CTNND2: variants seen among roughly 807,000 people sequenced by gnomAD.
CTNND2 encodes catenin delta-2.
CTNND2 carries 22 observed loss-of-function variants against 144.4 expected under a neutral mutation model. That is an observed-to-expected ratio of 0.15 (90% CI 0.11 to 0.22). The LOEUF (loss-of-function observed/expected upper bound fraction) is 0.22, where lower values mean the gene tolerates loss of function less well. Among genes scored for constraint, CTNND2 ranks in the 10% least tolerant of loss-of-function variants. The pLI is 1.00. For synonymous variants in CTNND2, 751 were observed against 695.6 expected (o/e 1.08, Z -1.25); for missense variants, 1,353 against 1,618.8 (o/e 0.84, Z 2.82).
intron 3 of CTNND2, among the ~76,000 whole-genome samples, chr5:11,443,407 GGGGGTGTGTGGTGTGTGTGTGT>G (rs1342151922): frequency 4.9e-5 from 3 of 61,104 alleles, no homozygotes; most frequent in African/African-American, 6.3e-5. Flanking sequence ...TGTGTGTGGG[GGGGGTGTGTGGTGTGTGTGTGT>G]GGGGTGTGTG....
intron 3 of CTNND2, among the ~76,000 whole-genome samples, chr5:11,428,768 T>C (rs1763013986): frequency 6.6e-6 from 1 of 152,202 alleles, no homozygotes; most frequent in Admixed American, 6.5e-5. Flanking sequence ...TACAACACTT[T>C]TATTCAACTT....
intron 12 of CTNND2, among the ~76,000 whole-genome samples, chr5:11,155,449 T>C (rs1452487764): frequency 6.6e-6 from 1 of 152,202 alleles, no homozygotes; most frequent in Non-Finnish European, 1.5e-5. Context: ...TAAAATGTTT[T>C]TTGTTAAAAA....
At chr5:11,599,603 C>T (rs10072211) in intron 2 of CTNND2, among the ~76,000 whole-genome samples, 54,215 of 151,906 alleles carry the variant, frequency 0.36, 10,466 homozygotes, top group Middle Eastern at 0.6. Context: ...TGTTTGTTTG[C>T]TTTTGCTAGT....
Position 11,159,578 on chromosome 5 carries a change from T to G in CTNND2, c.2157A>C (p.Leu719=), listed in dbSNP as rs753889015. The stretch of plus-strand genomic sequence containing the variant: ...GGCACTCGTGACACAGGACTGACCT[T>G]AGGCACCCGGTGGCGTTACGCAGCA... The part of the protein sequence containing the change: ...SQVLRNATGC[L]RNVSSAGEEA... The change falls in exon 12 of 22, where the codon CTA becomes CTC. Residue 719 remains leucine (L), a splice_region_variant and synonymous_variant. Transcript: ENST00000304623. 6.2e-7 allele frequency: 1 copy of G among 1,607,936 alleles called. No homozygotes were observed. Among genetic ancestry groups the G allele is most frequent in the East Asian group, 2.2e-5 (1 of 44,728 alleles).
intron 12 of CTNND2, among the ~76,000 whole-genome samples, chr5:11,139,785 A>G (rs552869086): frequency 1.4e-4 from 21 of 152,346 alleles, no homozygotes; most frequent in African/African-American, 4.8e-4. Context: ...TTATTCTTAT[A>G]CATCTGGAGA....
At chr5:11,586,942 A>T (rs965127028) in intron 2 of CTNND2, among the ~76,000 whole-genome samples, 3 of 152,060 alleles carry the variant, frequency 2.0e-5, no homozygotes, top group East Asian at 1.9e-4. Flanking sequence ...TACCTGGATT[A>T]AAAAAAAGTA....
intron 3 of CTNND2, among the ~76,000 whole-genome samples, chr5:11,511,692 T>A (rs1260007693): frequency 6.6e-6 from 1 of 152,192 alleles, no homozygotes; most frequent in Non-Finnish European, 1.5e-5. Context: ...GCAGGAATAC[T>A]GAGAAGAAAA....
chr5:11,128,786 A>AT (rs1205717801), intron 12 of CTNND2, among the ~76,000 whole-genome samples: 32 of 41,158 alleles, frequency 7.8e-4, no homozygotes, highest in Non-Finnish European at 8.6e-4. Flanking sequence ...TAAAATATAT[A>AT]AATATATATT....
chr5:11,141,602 C>CA (rs1167070573), intron 12 of CTNND2, among the ~76,000 whole-genome samples: 1 of 152,068 alleles, frequency 6.6e-6, no homozygotes, highest in Non-Finnish European at 1.5e-5. Flanking sequence ...GTGAGAAGAA[C>CA]AGGCAGCCGT....
intron 2 of CTNND2, among the ~76,000 whole-genome samples, chr5:11,710,922 A>T (rs1454131466): frequency 6.6e-6 from 1 of 152,230 alleles, no homozygotes; most frequent in Non-Finnish European, 1.5e-5. Context: ...TTTAAACATA[A>T]GAAAAACAAG....
chr5:11,140,738 A>G (rs1002536390), intron 12 of CTNND2, among the ~76,000 whole-genome samples: 2 of 152,220 alleles, frequency 1.3e-5, no homozygotes, highest in Non-Finnish European at 2.9e-5. Context: ...CCAAAAGTTC[A>G]TCCAATGTAT....
intron 16 of CTNND2, among the ~76,000 whole-genome samples, chr5:11,027,775 C>T (rs1036272442): frequency 1.6e-4 from 25 of 152,142 alleles, no homozygotes; most frequent in African/African-American, 5.8e-4. Flanking sequence ...ACCAAGGTAC[C>T]CCAAGGGACT....
intron 2 of CTNND2, among the ~76,000 whole-genome samples, chr5:11,641,683 T>C (rs1202133058): frequency 1.5e-5 from 2 of 131,142 alleles, no homozygotes; most frequent in Admixed American, 7.2e-5. Flanking sequence ...TGTATATACA[T>C]ATACGTGTGT....
intron 10 of CTNND2, among the ~76,000 whole-genome samples, chr5:11,226,295 A>T (rs1398029637): frequency 6.6e-6 from 1 of 152,086 alleles, no homozygotes; most frequent in Admixed American, 6.5e-5. Flanking sequence ...GGCTTTCCTG[A>T]CCATTTTCTA....
At chr5:11,275,319 A>G (rs1746417628) in intron 9 of CTNND2, among the ~76,000 whole-genome samples, 1 of 152,160 alleles carries the variant, frequency 6.6e-6, no homozygotes, top group African/African-American at 2.4e-5. Context: ...GTGCCTCCTA[A>G]TCCCTGCTCA....
At chr5:11,355,221 A>G (rs1755736790) in intron 8 of CTNND2, among the ~76,000 whole-genome samples, 1 of 152,152 alleles carries the variant, frequency 6.6e-6, no homozygotes, top group African/African-American at 2.4e-5. Context: ...CAAAATTGGT[A>G]GAAAGAAGAA....
At chr5:11,331,307 G>A (rs1160852285) in intron 9 of CTNND2, among the ~76,000 whole-genome samples, 1 of 152,092 alleles carries the variant, frequency 6.6e-6, no homozygotes, top group East Asian at 1.9e-4. Flanking sequence ...TAGCATTTTT[G>A]AGGTATGAGT....
intron 2 of CTNND2, among the ~76,000 whole-genome samples, chr5:11,570,362 T>C (rs1480013653): frequency 1.3e-5 from 2 of 152,210 alleles, no homozygotes; most frequent in African/African-American, 4.8e-5. Context: ...TTCATTCTCC[T>C]ACTTTATTTC....
intron 2 of CTNND2, among the ~76,000 whole-genome samples, chr5:11,700,593 C>G (rs182430227): frequency 6.6e-6 from 1 of 152,210 alleles, no homozygotes; most frequent in South Asian, 2.1e-4. Context: ...TTTTCATCGG[C>G]GCTGTGTGGT....
Sources: gnomAD v4.1 joint callset for allele counts (sites outside exome capture counted in the v4.1 genomes callset) on GRCh38, gnomAD v4.1.1 for gene constraint, MANE v1.5 for transcripts, NCBI Gene and HGNC (gene_info 2026-07-23, HGNC 2026-07-21) for gene names.